Variants in DLG2 observed in about 807,000 individuals in gnomAD.
DLG2 encodes discs large MAGUK scaffold protein 2, also known as disks large homolog 2.
Under a neutral mutation model 132.5 loss-of-function variants are expected in DLG2, and 45 were observed. That is an observed-to-expected ratio of 0.34 (90% CI 0.27 to 0.44). The LOEUF (loss-of-function observed/expected upper bound fraction) is 0.44. DLG2 is among the 20% of genes least tolerant of loss of function. The pLI is 1.00. For synonymous variants in DLG2, 424 were observed against 419.6 expected (o/e 1.01, Z -0.13); for missense variants, 1,045 against 1,196.9 (o/e 0.87, Z 1.87).
intron 19 of DLG2, 45 bp downstream of exon 19, chr11:83,633,166 T>G: frequency 6.3e-7 from 1 of 1,575,490 alleles, no homozygotes. Context: ...TTTCTCAAGT[T>G]GAATTGCTCA....
At chr11:84,485,281 A>G (rs2154494407) in intron 7 of DLG2, among the ~76,000 whole-genome samples, 1 of 152,248 alleles carries the variant, frequency 6.6e-6, no homozygotes, top group East Asian at 1.9e-4. Context: ...TTTTGATTTT[A>G]TTCATTAGCA....
intron 3 of DLG2, among the ~76,000 whole-genome samples, chr11:85,493,593 C>T (rs888153995): frequency 6.6e-5 from 10 of 151,940 alleles, no homozygotes; most frequent in African/African-American, 2.2e-4. Flanking sequence ...ATTGCTTAAG[C>T]CCAGGAGTTC....
At chr11:84,829,305 C>T (rs1330117969) in intron 6 of DLG2, among the ~76,000 whole-genome samples, 2 of 151,614 alleles carry the variant, frequency 1.3e-5, no homozygotes. Context: ...ACTCATCATA[C>T]AGTTGCATTC....
intron 6 of DLG2, among the ~76,000 whole-genome samples, chr11:85,027,818 T>A (rs2060663882): frequency 6.6e-6 from 1 of 152,198 alleles, no homozygotes; most frequent in Admixed American, 6.5e-5. Context: ...CAGCCCTGGC[T>A]TGGGGAGCCC....
At chr11:84,429,652 G>C (rs958239001) in intron 7 of DLG2, among the ~76,000 whole-genome samples, 1 of 152,088 alleles carries the variant, frequency 6.6e-6, no homozygotes, top group Non-Finnish European at 1.5e-5. Flanking sequence ...TTTTTAAAGC[G>C]GGATGGCTTC....
At chr11:83,839,993 C>T (rs1474962260) in intron 16 of DLG2, among the ~76,000 whole-genome samples, 1 of 152,152 alleles carries the variant, frequency 6.6e-6, no homozygotes, top group East Asian at 1.9e-4. Flanking sequence ...AAATACAAAT[C>T]AGATCACCTT....
chr11:85,090,028 T>C (rs768664487), intron 6 of DLG2, among the ~76,000 whole-genome samples: 1 of 152,186 alleles, frequency 6.6e-6, no homozygotes, highest in Non-Finnish European at 1.5e-5. Context: ...ACCCCTATTT[T>C]GGGCATAATA....
At chr11:84,741,689 A>G (rs2064699209) in intron 6 of DLG2, among the ~76,000 whole-genome samples, 1 of 152,116 alleles carries the variant, frequency 6.6e-6, no homozygotes, top group Non-Finnish European at 1.5e-5. Context: ...CCCACTCCAT[A>G]AATTGAAAGA....
chr11:84,232,820 G>T (rs1345601670), intron 8 of DLG2, among the ~76,000 whole-genome samples: 1 of 152,168 alleles, frequency 6.6e-6, no homozygotes, highest in Non-Finnish European at 1.5e-5. Context: ...CTAAAAGAGA[G>T]TTTATAAATA....
At position 84,900,513 on chromosome 11, in the gene DLG2, A is replaced by T. The variant is rs551065344; in HGVS notation, c.357+211148T>A. Among the ~76,000 whole-genome samples the T allele has an allele frequency of 3.3e-5, 5 of 152,184 alleles. No individual in the cohort carries two copies. In the East Asian group the frequency reaches 9.6e-4, roughly 29 times the overall value. On this transcript the variant is annotated intron_variant, in intron 6 of 27. Transcript: ENST00000376104. ...CTATAAAAGGGATATATCCTTCAGC[A>T]TACTTTAACAATGTGAAAATCTCTA...
chr11:83,787,511 C>T lies in DLG2; in HGVS notation c.1723-719G>A, dbSNP rs530428893. Reference sequence around the variant, plus strand: ...TAATTTTTTATATTTTCAGTAGAGACGGGGTTTCACCGTGTTAGCCAGGAT... The same window carrying T: ...TAATTTTTTATATTTTCAGTAGAGATGGGGTTTCACCGTGTTAGCCAGGAT... On this transcript the variant is annotated intron_variant, in intron 17 of 27. Transcript: ENST00000376104. Among the ~76,000 whole-genome samples, 23 of 151,584 alleles carry T rather than the reference C, an allele frequency of 1.5e-4. No individual in the cohort carries two copies. In the East Asian group the frequency reaches 1.6e-3, roughly 10 times the overall value.
At chr11:85,226,839 G>A (rs989680603) in intron 4 of DLG2, among the ~76,000 whole-genome samples, 5 of 152,092 alleles carry the variant, frequency 3.3e-5, no homozygotes, top group African/African-American at 1.2e-4. Flanking sequence ...TTTAGTGAAG[G>A]AGCTTACCCC....
intron 6 of DLG2, among the ~76,000 whole-genome samples, chr11:84,539,771 A>G (rs2099363713): frequency 6.6e-6 from 1 of 152,212 alleles, no homozygotes; most frequent in Admixed American, 6.5e-5. Context: ...CCAAAAGAAC[A>G]AAGCTGGAGG....
rs176244 is a variant in DLG2 at position 85,357,676 on chromosome 11, T to G, written c.41-72311A>C. On this transcript the variant is annotated intron_variant, in intron 3 of 27. Coordinates refer to ENST00000376104, the MANE Select transcript of DLG2 (RefSeq NM_001142699.3). ...TGGAGGCTAATATGGCTACTATATA[T>G]GTACAATACGCCAGGCACTGTTCTG... is the stretch of plus-strand genomic sequence containing the variant. 9.7e-3 allele frequency among the ~76,000 whole-genome samples: 1,332 copies of G among 137,332 alleles called. 100 individuals are homozygous for G. The Admixed American group carries it at 0.098, about 10-fold the overall frequency. 90.1% of individuals were successfully genotyped at this position (137,332 alleles called of 152,430 possible).
intron 3 of DLG2, among the ~76,000 whole-genome samples, chr11:85,343,271 A>T (rs1193300866): frequency 6.6e-6 from 1 of 152,144 alleles, no homozygotes; most frequent in Non-Finnish European, 1.5e-5. Flanking sequence ...TGCTGAAGGG[A>T]CAAAACTAGT....
chr11:83,575,063 G>A (rs1356167183), intron 19 of DLG2, among the ~76,000 whole-genome samples: 1 of 152,120 alleles, frequency 6.6e-6, no homozygotes. Context: ...CTAGAGACAT[G>A]GCATCTGCAA....
Position 85,582,449 on chromosome 11 carries a change from G to A in DLG2, c.40+16208C>T, listed in dbSNP as rs548724709. Among the ~76,000 whole-genome samples the A allele has an allele frequency of 2.6e-5, 4 of 151,792 alleles. No individual in the cohort carries two copies. The East Asian group carries it at 7.7e-4, about 29-fold the overall frequency. On this transcript the variant is annotated intron_variant, in intron 3 of 27. Transcript: ENST00000376104. ...AATTATTACTGGATAGGCAATCAAG[G>A]AACAGATCCAAAAACTACATAATCC...
intron 15 of DLG2, among the ~76,000 whole-genome samples, chr11:83,876,596 A>G (rs1314929466): frequency 6.6e-6 from 1 of 152,114 alleles, no homozygotes; most frequent in Non-Finnish European, 1.5e-5. Context: ...TGTAGTTCTT[A>G]TAGGAGTCCT....
chr11:84,612,365 T>C (rs1019698434), intron 6 of DLG2, among the ~76,000 whole-genome samples: 1 of 152,126 alleles, frequency 6.6e-6, no homozygotes, highest in African/African-American at 2.4e-5. Flanking sequence ...ATTTTTCTAT[T>C]ACAAATAAAA....
Sources: allele counts gnomAD v4.1 joint callset (sites outside exome capture counted in the v4.1 genomes callset), GRCh38; gene constraint gnomAD v4.1.1; transcripts MANE v1.5; gene names NCBI Gene and HGNC (gene_info 2026-07-23, HGNC 2026-07-21).